The following MEAK7 variants were observed in gnomAD, a reference collection of about 807,000 sequenced individuals.
The protein encoded by MEAK7 is MTOR-associated protein MEAK7.
A neutral mutation model predicts 40.5 loss-of-function variants in MEAK7; 68 were observed. The ratio of observed to expected loss-of-function variants is 1.68; its 90% CI spans 1.38 to 2.06. The LOEUF (loss-of-function observed/expected upper bound fraction) is 2.06. Among genes scored for constraint, MEAK7 ranks in the 30% most tolerant of loss-of-function variants. MEAK7 has a pLI of 0.00. For synonymous variants in MEAK7, 338 were observed against 231.9 expected (o/e 1.46, Z -4.16); for missense variants, 918 against 580.5 (o/e 1.58, Z -5.98).
At chr16:84,480,142 C>G in intron 7 of MEAK7, 116 bp from the exon 8 acceptor site, 1 of 797,976 alleles carries the variant, frequency 1.3e-6, no homozygotes, top group East Asian at 2.9e-5. Context: ...CCCCTAAGGC[C>G]CCTCCCACTC....
intron 3 of MEAK7, among the ~76,000 whole-genome samples, chr16:84,494,448 C>T (rs1008863534): frequency 2.6e-5 from 4 of 152,020 alleles, no homozygotes; most frequent in African/African-American, 4.8e-5. Flanking sequence ...TTTTTCCCCC[C>T]ATTTTTCTGA....
intron 3 of MEAK7, chr16:84,494,664 C>G (rs1006610850): frequency 2.6e-5 from 9 of 346,600 alleles, no homozygotes; most frequent in African/African-American, 4.4e-5. Flanking sequence ...TTTCTCTCTT[C>G]CTCCCCCACT....
intron 6 of MEAK7, among the ~76,000 whole-genome samples, chr16:84,481,856 C>T (rs562279483): frequency 1.8e-4 from 27 of 152,106 alleles, no homozygotes; most frequent in Non-Finnish European, 1.2e-4. Flanking sequence ...ATGGCGTGAA[C>T]CTGGGAGGCG....
chr16:84,484,681 T>C lies in MEAK7; in HGVS notation c.958+1950A>G, dbSNP rs550230394. Among the ~76,000 whole-genome samples the C allele has an allele frequency of 1.4e-4, 21 of 152,328 alleles. 1 individual carries two copies. In the South Asian group the frequency reaches 1.5e-3, roughly 11 times the overall value. On this transcript the variant is annotated intron_variant, in intron 5 of 7. Transcript: ENST00000343629. ...CCACCCTCCCCAGCATTTGCCTTCA[T>C]TGTTTGTCCCACAGCTATTAAATCA... is the stretch of plus-strand genomic sequence containing the variant.
rs1391159769 is a variant in MEAK7 at position 84,480,045 on chromosome 16, G to C, written c.1258-19C>G. On this transcript the variant is annotated intron_variant, in intron 7 of 7. Coordinates refer to ENST00000343629, the MANE Select transcript of MEAK7 (RefSeq NM_020947.4). ...CCTTGGCCTTGAGAAGAGAAGAAAG[G>C]GTGGGTGTGTTCCATGATGGCCCAA... 1.3e-6 allele frequency: 2 copies of C among 1,570,112 alleles called. No homozygotes were observed. Among genetic ancestry groups the C allele is most frequent in the East Asian group, 2.3e-5 (1 of 43,526 alleles).
intron 1 of MEAK7, among the ~76,000 whole-genome samples, chr16:84,498,724 C>T (rs2150647078): frequency 6.6e-6 from 1 of 152,104 alleles, no homozygotes; most frequent in South Asian, 2.1e-4. Flanking sequence ...TAATCAAAGG[C>T]AGGACAAAAA....
rs1399818917 is a variant in MEAK7 at position 84,476,741 on chromosome 16, G to C, written c.*3172C>G. ...GGGACACATCAGTGTGTAAAAGACA[G>C]TGATGCCCAGGTGTGCACCAAGTCA... is the stretch of plus-strand genomic sequence containing the variant. On this transcript the variant is annotated 3_prime_UTR_variant, in exon 8 of 8. Coordinates refer to ENST00000343629, the MANE Select transcript of MEAK7 (RefSeq NM_020947.4). 1.3e-5 allele frequency: 2 copies of C among 152,262 alleles called. No individual in the cohort carries two copies. The highest frequency in any genetic ancestry group is 2.9e-5 in the Non-Finnish European group (2 of 68,068). 9.4% of individuals were successfully genotyped at this position (152,262 alleles called of 1,614,324 possible).
At position 84,486,919 on chromosome 16, in the gene MEAK7, A is replaced by G; in HGVS notation, c.670T>C (p.Ser224Pro). 3.1e-6 allele frequency: 5 copies of G among 1,614,160 alleles called. No homozygotes were observed. The highest frequency in any genetic ancestry group is 4.2e-6 in the Non-Finnish European group (5 of 1,180,028). Reference protein sequence around the residue: ...ICKGFLILCSSLDLTTLVPER... With the variant: ...ICKGFLILCSPLDLTTLVPER... Reference sequence around the variant, plus strand: ...GGGACCAGGGTAGTCAGATCAAGAGACGAGCACAGGATGAGAAAGCCCTTG... The same window carrying G: ...GGGACCAGGGTAGTCAGATCAAGAGGCGAGCACAGGATGAGAAAGCCCTTG... Residue 224 changes from serine to proline, a missense_variant, in exon 5 of 8, where the codon TCT (serine) becomes CCT (proline). Transcript: ENST00000343629.
rs963810130 is a variant in MEAK7, at chr16:84,497,389, T to C, written c.153+545A>G. ...AAATGTGATTATTTTGTTAGGAATA[T>C]CATGAAATTCCTAGCCATCAAACAC... On this transcript the variant is annotated intron_variant, in intron 2 of 7. Transcript: ENST00000343629. The C allele has an allele frequency of 8.7e-6, 11 of 1,260,306 alleles. No homozygotes were observed. The African/African-American group carries it at 1.2e-4, about 14-fold the overall frequency. 78.1% of individuals were successfully genotyped at this position (1,260,306 alleles called of 1,614,324 possible). A position where few individuals can be genotyped will look rare whatever the true frequency, so the allele number is the denominator to read the frequency against.
rs561935296 is a variant in MEAK7, at chr16:84,479,888, G to T, written c.*25C>A. 1.3e-6 allele frequency: 2 copies of T among 1,560,818 alleles called. No homozygotes were observed. Among genetic ancestry groups the T allele is most frequent in the Non-Finnish European group, 1.7e-6 (2 of 1,144,930 alleles). On this transcript the variant is annotated 3_prime_UTR_variant, in exon 8 of 8. Transcript: ENST00000343629. ...TCTACCCAGAGGAATCCAGGTCCTGGCTCCAGGAAGGCTCAGGCGGCTCCT... is the reference window on the plus strand; with the variant it reads ...TCTACCCAGAGGAATCCAGGTCCTGTCTCCAGGAAGGCTCAGGCGGCTCCT...
intron 3 of MEAK7, chr16:84,494,923 A>C: frequency 2.4e-6 from 1 of 421,190 alleles, no homozygotes. Context: ...GTCTTGCAAG[A>C]AACTGCCTTT....
chr16:84,484,120 C>G (rs138579713), intron 5 of MEAK7, among the ~76,000 whole-genome samples: 197 of 152,324 alleles, frequency 1.3e-3, no homozygotes, highest in African/African-American at 4.6e-3. Context: ...TGCTGCGGAG[C>G]AAGGTCGCAG....
rs116716496 is a variant in MEAK7 at position 84,491,831 on chromosome 16, C to T, written c.385-2409G>A. 1.0e-2 allele frequency among the ~76,000 whole-genome samples: 1,295 copies of T among 130,142 alleles called. 31 individuals carry two copies. The highest frequency in any genetic ancestry group is 0.034 in the African/African-American group (1,243 of 36,222). The allele number at this position is 130,142 out of a possible 152,430, so 85.4% of individuals were successfully genotyped here. The stretch of plus-strand genomic sequence containing the variant: ...CAGCCTCGGTGAAGGCGCAAGACTC[C>T]GTCTCAAAAAAAAAAAAAAGAAAAG... On this transcript the variant is annotated intron_variant, in intron 3 of 7. Transcript: ENST00000343629.
chr16:84,479,924 C>T lies in MEAK7; in HGVS notation c.1360G>A (p.Asp454Asn), dbSNP rs1052225973. The change falls in exon 8 of 8, where the codon GAC becomes AAC. Residue 454 changes from aspartate (D) to asparagine (N), a missense_variant. Asp to Asn is a conservative substitution (Grantham distance 23). Transcript: ENST00000343629. ...RHSEGLREVP[D>N]DE ...GCTCAGGCGGCTCCTCATTCATCGT[C>T]CGGGACTTCCCGGAGCCCTTCGCTG... The T allele has an allele frequency of 1.2e-6, 2 of 1,604,040 alleles. No individual in the cohort carries two copies. Among genetic ancestry groups the T allele is most frequent in the Non-Finnish European group, 1.7e-6 (2 of 1,172,848 alleles).
rs1912243992 is a variant in MEAK7 at position 84,478,680 on chromosome 16, A to C, written c.*1233T>G. ...TCTGCTGACCCCACAACCCACCTAC[A>C]CGATCTTCAGCATTTCAGGATCACC... On this transcript the variant is annotated 3_prime_UTR_variant, in exon 8 of 8. Transcript: ENST00000343629. 1 of 152,196 alleles carries C rather than the reference A, an allele frequency of 6.6e-6. No individual in the cohort carries two copies. The highest frequency in any genetic ancestry group is 1.5e-5 in the Non-Finnish European group (1 of 68,044). The allele number at this position is 152,196 out of a possible 1,614,324, so 9.4% of individuals were successfully genotyped here.
At chr16:84,483,056 G>T (rs1232928808) in intron 5 of MEAK7, among the ~76,000 whole-genome samples, 2 of 152,218 alleles carry the variant, frequency 1.3e-5, no homozygotes, top group Non-Finnish European at 2.9e-5. Flanking sequence ...TGAGCACGGG[G>T]CAGGTGGTCA....
chr16:84,489,198 A>C (rs78069652), intron 4 of MEAK7, 80 bp downstream of exon 4: 3 of 1,505,476 alleles, frequency 2.0e-6, no homozygotes, highest in Admixed American at 2.2e-5. Flanking sequence ...TCAAAGCTTT[A>C]CTACACAGCT....
chr16:84,495,369 G>C (rs1913952172), intron 3 of MEAK7, among the ~76,000 whole-genome samples: 1 of 152,180 alleles, frequency 6.6e-6, no homozygotes, highest in Non-Finnish European at 1.5e-5. Flanking sequence ...AACACACATT[G>C]ACTATTTCCC....
intron 3 of MEAK7, among the ~76,000 whole-genome samples, chr16:84,493,703 G>C (rs1024893045): frequency 6.6e-6 from 1 of 152,080 alleles, no homozygotes; most frequent in Non-Finnish European, 1.5e-5. Context: ...ATAATTATTT[G>C]CATACATTCA....
Sources: allele counts gnomAD v4.1 joint callset (sites outside exome capture counted in the v4.1 genomes callset), GRCh38; gene constraint gnomAD v4.1.1; transcripts MANE v1.5; gene names NCBI Gene and HGNC (gene_info 2026-07-23, HGNC 2026-07-21).